PSD3: variants seen among roughly 807,000 people sequenced by gnomAD.
The protein encoded by PSD3 is PH and SEC7 domain-containing protein 3.
In PSD3, 49 loss-of-function variants were observed where a neutral mutation model predicts 105.5. That is an observed-to-expected ratio of 0.46 (90% CI 0.37 to 0.59). The LOEUF is 0.59. Ranked by LOEUF, PSD3 falls within the 20% of genes least tolerant of loss-of-function variation. PSD3 has a pLI of 0.00. For synonymous variants in PSD3, 557 were observed against 457.8 expected, an observed-to-expected ratio of 1.22 and a Z score of -2.77; for missense variants, 1,561 against 1,263.8, an observed-to-expected ratio of 1.24 and a Z score of -3.57.
chr8:18,572,642 G>A lies in PSD3; in HGVS notation c.2670C>T (p.Asn890=). 1 of 1,613,986 alleles carries A rather than the reference G, an allele frequency of 6.2e-7. No homozygotes were observed. Among genetic ancestry groups the A allele is most frequent in the Non-Finnish European group, 8.5e-7 (1 of 1,179,918 alleles). ...ATACAGCTGCCACACAATTGATTTT[G>A]TTTATCCACCCTTGCATTTCCTCTG... is the stretch of plus-strand genomic sequence containing the variant. The part of the protein sequence containing the change: ...QSPEEMQGWI[N]KINCVAAVFS... The change falls in exon 14 of 16, where the codon AAC becomes AAT. Residue 890 remains asparagine, a synonymous_variant. Transcript: ENST00000327040.
chr8:18,760,762 C>T (rs7012188), intron 9 of PSD3, among the ~76,000 whole-genome samples: 27,963 of 151,878 alleles, frequency 0.18, 3,882 homozygotes, highest in African/African-American at 0.38. Flanking sequence ...TGGTATCAGC[C>T]GCTGATAAGA....
intron 4 of PSD3, among the ~76,000 whole-genome samples, chr8:18,862,985 GA>G (rs1299521801): frequency 6.6e-6 from 1 of 151,984 alleles, no homozygotes; most frequent in Non-Finnish European, 1.5e-5. Flanking sequence ...GCTGCACGCA[GA>G]TGTAATTCAC....
In PSD3 at chr8:18,871,653, G is replaced by A; in HGVS notation, c.1211C>T (p.Thr404Ile). Residue 404 changes from threonine to isoleucine, a missense_variant, in exon 3 of 16, where the codon ACA (threonine) becomes ATA (isoleucine). By Grantham distance (89) the Thr-to-Ile change is moderately conservative (BLOSUM62 -1). Coordinates refer to ENST00000327040, the MANE Select transcript of PSD3 (RefSeq NM_015310.4). ...LQENKQHLEK[T>I]PKPERDRERI... ...TTCCCTGTCTCTCTCTGGTTTAGGT[G>A]TCTTCTCAAGATGCTGTTTGTTTTC... The A allele has an allele frequency of 1.2e-6, 2 of 1,611,570 alleles. No homozygotes were observed. The highest frequency in any genetic ancestry group is 8.5e-7 in the Non-Finnish European group (1 of 1,178,866).
intron 1 of PSD3, among the ~76,000 whole-genome samples, chr8:19,023,544 C>T (rs1420954459): frequency 6.6e-6 from 1 of 152,056 alleles, no homozygotes; most frequent in African/African-American, 2.4e-5. Flanking sequence ...AATCCTCCCA[C>T]CTCAGCCTCC....
intron 1 of PSD3, among the ~76,000 whole-genome samples, chr8:18,976,613 G>C (rs577209787): frequency 3.9e-5 from 6 of 152,238 alleles, no homozygotes; most frequent in African/African-American, 1.4e-4. Context: ...TGTCTTCAAA[G>C]GTAAAACAGG....
chr8:18,862,188 C>G (rs1477889274), intron 4 of PSD3, among the ~76,000 whole-genome samples: 1 of 152,062 alleles, frequency 6.6e-6, no homozygotes, highest in African/African-American at 2.4e-5. Flanking sequence ...AATCTCGTTT[C>G]CTCCTCCTTC....
intron 4 of PSD3, among the ~76,000 whole-genome samples, chr8:18,814,923 G>A (rs1474313500): frequency 1.3e-5 from 2 of 152,198 alleles, no homozygotes; most frequent in Non-Finnish European, 2.9e-5. Flanking sequence ...AAAGCACAAA[G>A]TAGACATGCC....
At chr8:18,966,661 T>C (rs945383465) in intron 1 of PSD3, among the ~76,000 whole-genome samples, 3 of 151,936 alleles carry the variant, frequency 2.0e-5, no homozygotes, top group African/African-American at 7.3e-5. Flanking sequence ...CCTACAACTG[T>C]TCTTCTCAAA....
upstream of PSD3, among the ~76,000 whole-genome samples, chr8:19,014,919 T>C (rs538185798): frequency 5.3e-5 from 8 of 152,324 alleles, no homozygotes; most frequent in Middle Eastern, 3.4e-3. This position sits in a 1 kb window ranked among gnomAD's most constrained non-coding sequence, Gnocchi z 4.9. Context: ...TATGCCTTTA[T>C]ACAAATTCAC....
intron 4 of PSD3, among the ~76,000 whole-genome samples, chr8:18,828,074 T>TTTTG (rs1813376783): frequency 6.9e-6 from 1 of 144,958 alleles, no homozygotes; most frequent in African/African-American, 2.5e-5. Flanking sequence ...TATATTTTTT[T>TTTTG]TTTTTTACAA....
chr8:18,877,436 A>C (rs532820918), intron 2 of PSD3, among the ~76,000 whole-genome samples: 17 of 152,184 alleles, frequency 1.1e-4, no homozygotes, highest in African/African-American at 4.1e-4. Context: ...TTTACCCATC[A>C]AAAAGCCTTG....
chr8:18,848,269 C>T (rs1416810240), intron 4 of PSD3, among the ~76,000 whole-genome samples: 2 of 152,156 alleles, frequency 1.3e-5, no homozygotes, highest in Admixed American at 1.3e-4. Context: ...AAACTGAACG[C>T]AACACAACAT....
At chr8:18,883,426 G>C (rs1317770630) in intron 2 of PSD3, among the ~76,000 whole-genome samples, 1 of 152,148 alleles carries the variant, frequency 6.6e-6, no homozygotes, top group Non-Finnish European at 1.5e-5. Flanking sequence ...GAGAGGAAGA[G>C]AATTGCCTCT....
At chr8:18,926,361 T>G (rs1403933971) in intron 2 of PSD3, among the ~76,000 whole-genome samples, 1 of 151,686 alleles carries the variant, frequency 6.6e-6, no homozygotes, top group Non-Finnish European at 1.5e-5. Flanking sequence ...CAAATGAATT[T>G]CATGTTTAGA....
chr8:18,911,583 T>C (rs75434915), intron 2 of PSD3, among the ~76,000 whole-genome samples: 7,070 of 152,260 alleles, frequency 0.046, 202 homozygotes, highest in Admixed American at 0.08. Flanking sequence ...CCAAGAATAA[T>C]ACAAAAAGTT....
In PSD3 at chr8:18,822,780, T is replaced by G. The variant is rs558141059; in HGVS notation, c.1635-17882A>C. ...TGAAATTCACCACGGAAAAGTCATATGCTGACCTCCCTAGTATATTAACCC... is the reference window on the plus strand; with the variant it reads ...TGAAATTCACCACGGAAAAGTCATAGGCTGACCTCCCTAGTATATTAACCC... On this transcript the variant is annotated intron_variant, in intron 4 of 15. Coordinates refer to ENST00000327040, the MANE Select transcript of PSD3 (RefSeq NM_015310.4). Among the ~76,000 whole-genome samples the G allele has an allele frequency of 8.8e-4, 134 of 152,320 alleles. 1 individual carries two copies. Among genetic ancestry groups the G allele is most frequent in the African/African-American group, 3.0e-3 (125 of 41,586 alleles).
chr8:18,676,073 A>G (rs908356306), intron 9 of PSD3, among the ~76,000 whole-genome samples: 10 of 152,184 alleles, frequency 6.6e-5, no homozygotes, highest in African/African-American at 2.4e-4. Flanking sequence ...TATCTTTAAA[A>G]TGCAAATATA....
intron 9 of PSD3, among the ~76,000 whole-genome samples, chr8:18,722,801 C>T (rs1563199797): frequency 6.6e-6 from 1 of 152,162 alleles, no homozygotes; most frequent in Non-Finnish European, 1.5e-5. Context: ...CTATAGAGCC[C>T]ATTCAAATTC....
chr8:18,911,453 T>G lies in PSD3; in HGVS notation c.130+24581A>C, dbSNP rs542711194. ...TGCTTGACTGGGCATGGCAGACCCG[T>G]GACTTCCTTGCTGTGTAACCTGAGC... On this transcript the variant is annotated intron_variant, in intron 2 of 15. Coordinates refer to ENST00000327040, the MANE Select transcript of PSD3 (RefSeq NM_015310.4). Among the ~76,000 whole-genome samples the G allele has an allele frequency of 2.6e-5, 4 of 152,230 alleles. No individual in the cohort carries two copies. The East Asian group carries it at 5.8e-4, about 22-fold the overall frequency.
Sources: allele counts gnomAD v4.1 joint callset (sites outside exome capture counted in the v4.1 genomes callset), GRCh38; gene constraint gnomAD v4.1.1; non-coding constraint Gnocchi (gnomAD v3.1); transcripts MANE v1.5; gene names NCBI Gene and HGNC (gene_info 2026-07-23, HGNC 2026-07-21).